UBR1: variants seen among roughly 807,000 people sequenced by gnomAD.
The protein encoded by UBR1 is ubiquitin protein ligase E3 component n-recognin 1, also known as E3 ubiquitin-protein ligase UBR1.
In UBR1, 102 loss-of-function variants were observed where a neutral mutation model predicts 242.1. The ratio of observed to expected loss-of-function variants is 0.42; its 90% CI spans 0.36 to 0.50. The LOEUF is 0.50. Among genes scored for constraint, UBR1 ranks in the 20% least tolerant of loss-of-function variants. The pLI, the probability that UBR1 is intolerant of heterozygous loss-of-function variation, is 0.01. For synonymous variants in UBR1, 675 were observed against 684.8 expected (o/e 0.99, Z 0.22); for missense variants, 1,772 against 2,101.8 (o/e 0.84, Z 3.07).
intron 1 of UBR1, among the ~76,000 whole-genome samples, chr15:43,102,825 C>G (rs187726654): frequency 2.7e-4 from 41 of 152,358 alleles, no homozygotes; most frequent in Non-Finnish European, 4.3e-4. Flanking sequence ...CTGTCTCACT[C>G]TCTTTTCCTC....
At chr15:43,103,049 T>C (rs2034257539) in intron 1 of UBR1, among the ~76,000 whole-genome samples, 1 of 152,180 alleles carries the variant, frequency 6.6e-6, no homozygotes, top group South Asian at 2.1e-4. Flanking sequence ...ACACCTGTAA[T>C]TCCAGCTACT....
At chr15:42,969,548 T>C (rs528599248) in intron 40 of UBR1, among the ~76,000 whole-genome samples, 22 of 152,370 alleles carry the variant, frequency 1.4e-4, no homozygotes, top group Non-Finnish European at 3.1e-4. Context: ...ATTTTGGCTT[T>C]TGTTGCAATT....
intron 31 of UBR1, 103 bp from the exon 32 acceptor site, chr15:43,002,807 G>C (rs1178210389): frequency 1.4e-6 from 2 of 1,471,596 alleles, no homozygotes; most frequent in East Asian, 2.4e-5. Flanking sequence ...TGGAATTTTT[G>C]CCCCAATAAA....
intron 40 of UBR1, among the ~76,000 whole-genome samples, chr15:42,967,883 C>T (rs2032136293): frequency 6.6e-6 from 1 of 151,164 alleles, no homozygotes; most frequent in African/African-American, 2.4e-5. Context: ...CGTACTCCTA[C>T]TATAACCTCT....
rs1208073289 is a variant in UBR1 at position 42,976,837 on chromosome 15, A to G, written c.4249T>C (p.Tyr1417His). The G allele has an allele frequency of 1.2e-6, 2 of 1,613,982 alleles. No homozygotes were observed. The highest frequency in any genetic ancestry group is 2.7e-5 in the African/African-American group (2 of 74,926). ...TGCAGATCAACAGGGTCATCCCAATACAAGGATGGGAATGCTAACACAGCA... is the reference window on the plus strand; with the variant it reads ...TGCAGATCAACAGGGTCATCCCAATGCAAGGATGGGAATGCTAACACAGCA... ...VGAVLAFPSL[Y>H]WDDPVDLQPS... is the part of the protein sequence containing the mutation. The change falls in exon 39 of 47, where the codon TAT (tyrosine) becomes CAT (histidine). Residue 1417 changes from tyrosine to histidine, a missense_variant. By Grantham distance (83) the Tyr-to-His change is moderately conservative. Coordinates refer to ENST00000290650, the MANE Select transcript of UBR1 (RefSeq NM_174916.3).
rs760305347 is a variant in UBR1, at chr15:43,017,162, C to T, written c.2960G>A (p.Arg987Gln). ...AATTAAACAAGATTTTTCTCTTAAT[C>T]GCTTCACTGTGTCAAACATCTGTGA... is the stretch of plus-strand genomic sequence containing the variant. ...WILQMFDTVK[R>Q]LREKSCLIVA... The change falls in exon 28 of 47, where the codon CGA (arginine) becomes CAA (glutamine). Residue 987 changes from arginine to glutamine, a missense_variant. Arg to Gln is a conservative substitution (Grantham distance 43, BLOSUM62 1). Transcript: ENST00000290650. 29 of 1,613,114 alleles carry T rather than the reference C, an allele frequency of 1.8e-5. No homozygotes were observed. The highest frequency in any genetic ancestry group is 1.7e-4 in the Middle Eastern group (1 of 6,020).
At chr15:43,029,322 G>T (rs2033223319) in intron 21 of UBR1, among the ~76,000 whole-genome samples, 1 of 152,190 alleles carries the variant, frequency 6.6e-6, no homozygotes. Context: ...GTGGTCATGA[G>T]AATGTACCTT....
At position 42,964,050 on chromosome 15, in the gene UBR1, G is replaced by A. The variant is rs1371759070; in HGVS notation, c.4592-7C>T. 4.4e-6 allele frequency: 7 copies of A among 1,583,984 alleles called. No individual in the cohort carries two copies. The highest frequency in any genetic ancestry group is 4.0e-5 in the African/African-American group (3 of 74,438). On this transcript the variant is annotated splice_polypyrimidine_tract_variant and splice_region_variant and intron_variant, in intron 41 of 46. Transcript: ENST00000290650. ...TACTCTCCTTCTGCAGAATCTGCAAGAGAATAAAAATACATTTAATAAGCA... is the reference window on the plus strand; with the variant it reads ...TACTCTCCTTCTGCAGAATCTGCAAAAGAATAAAAATACATTTAATAAGCA...
At chr15:43,060,818 A>G (rs2033674813) in intron 6 of UBR1, among the ~76,000 whole-genome samples, 1 of 152,152 alleles carries the variant, frequency 6.6e-6, no homozygotes, top group South Asian at 2.1e-4. Flanking sequence ...CAAGCATTTC[A>G]TCTCCAGAGT....
At chr15:43,032,508 A>G in intron 20 of UBR1, 60 bp downstream of exon 20, 1 of 1,161,348 alleles carries the variant, frequency 8.6e-7, no homozygotes, top group South Asian at 1.3e-5. Context: ...TAGTTCATAT[A>G]AATGGTCTCT....
At chr15:43,046,143 C>A (rs1385689182) in intron 14 of UBR1, among the ~76,000 whole-genome samples, 1 of 152,154 alleles carries the variant, frequency 6.6e-6, no homozygotes, top group East Asian at 1.9e-4. Flanking sequence ...CAAGATGAAA[C>A]CTTTGCCTCA....
intron 14 of UBR1, among the ~76,000 whole-genome samples, chr15:43,044,012 T>C (rs1367705098): frequency 1.3e-5 from 2 of 152,074 alleles, no homozygotes; most frequent in African/African-American, 4.8e-5. Context: ...ATATGCATAA[T>C]TTAAGTATGG....
intron 36 of UBR1, among the ~76,000 whole-genome samples, chr15:42,984,478 C>CT (rs2032429892): frequency 6.6e-6 from 1 of 152,178 alleles, no homozygotes; most frequent in African/African-American, 2.4e-5. Context: ...GTGTCAGTAT[C>CT]TGCCCATCAA....
chr15:43,074,179 T>A (rs2033858577), intron 4 of UBR1, among the ~76,000 whole-genome samples: 1 of 152,238 alleles, frequency 6.6e-6, no homozygotes, highest in Non-Finnish European at 1.5e-5. Flanking sequence ...GAGTATTTTA[T>A]AATCCTCGTG....
chr15:42,982,388 G>A (rs913733061), intron 37 of UBR1, among the ~76,000 whole-genome samples: 6 of 152,182 alleles, frequency 3.9e-5, no homozygotes, highest in Non-Finnish European at 7.3e-5. Flanking sequence ...ACATATGGAA[G>A]GTTCTGGCCC....
At chr15:43,014,904 A>G (rs986815071) in intron 29 of UBR1, among the ~76,000 whole-genome samples, 4 of 148,236 alleles carry the variant, frequency 2.7e-5, no homozygotes, top group African/African-American at 1.0e-4. Context: ...CCGCCCGGCC[A>G]GCCACCCCGT....
At chr15:43,055,397 C>G (rs557164114) in intron 11 of UBR1, among the ~76,000 whole-genome samples, 2 of 151,766 alleles carry the variant, frequency 1.3e-5, no homozygotes, top group Non-Finnish European at 2.9e-5. Context: ...GAGCCGAGAT[C>G]GTGCTACTAC....
At chr15:42,971,338 C>T (rs1037026019) in intron 39 of UBR1, among the ~76,000 whole-genome samples, 1 of 152,126 alleles carries the variant, frequency 6.6e-6, no homozygotes, top group Non-Finnish European at 1.5e-5. Context: ...CTCCATCAAC[C>T]TATCTTTAAG....
At chr15:43,001,984 T>C (rs2032732857) in intron 32 of UBR1, among the ~76,000 whole-genome samples, 1 of 152,150 alleles carries the variant, frequency 6.6e-6, no homozygotes, top group South Asian at 2.1e-4. Flanking sequence ...CTTTTGTGAG[T>C]GCTAAGGCAG....
Sources: allele counts gnomAD v4.1 joint callset (sites outside exome capture counted in the v4.1 genomes callset), GRCh38; gene constraint gnomAD v4.1.1; transcripts MANE v1.5; gene names NCBI Gene and HGNC (gene_info 2026-07-23, HGNC 2026-07-21).